USP25: variants seen among roughly 807,000 people sequenced by gnomAD.
The protein encoded by USP25 is ubiquitin carboxyl-terminal hydrolase 25.
A neutral mutation model predicts 158.5 loss-of-function variants in USP25; 85 were observed. The observed-to-expected ratio is 0.54, with a 90% CI of 0.45 to 0.64. The LOEUF is 0.64. USP25 is among the 30% of genes least tolerant of loss of function. The probability of loss-of-function intolerance (pLI) is 0.00; values close to 1 mark genes in which losing one functional copy is unlikely to be tolerated. For synonymous variants in USP25, 464 were observed against 460.4 expected, an observed-to-expected ratio of 1.01 and a Z score of -0.10; for missense variants, 1,242 against 1,327.3, an observed-to-expected ratio of 0.94 and a Z score of 1.00.
chr21:15,731,994 G>T (rs1012855070), intron 1 of USP25, among the ~76,000 whole-genome samples: 5 of 152,154 alleles, frequency 3.3e-5, no homozygotes, highest in Non-Finnish European at 7.4e-5. Flanking sequence ...GAAGAACTTT[G>T]TAAGTTTAGG....
chr21:15,775,051 A>G (rs2034558681), intron 3 of USP25, among the ~76,000 whole-genome samples: 1 of 152,236 alleles, frequency 6.6e-6, no homozygotes, highest in African/African-American at 2.4e-5. Flanking sequence ...CAGAAAGACC[A>G]CTGGATTTAA....
chr21:15,852,552 A>C (rs1282266620), intron 20 of USP25, among the ~76,000 whole-genome samples: 1 of 152,134 alleles, frequency 6.6e-6, no homozygotes, highest in Non-Finnish European at 1.5e-5. Flanking sequence ...TAGTATTATC[A>C]CGAAGCTTAT....
intron 20 of USP25, among the ~76,000 whole-genome samples, chr21:15,853,310 TAC>T (rs1012710359): frequency 1.1e-4 from 16 of 151,796 alleles, no homozygotes; most frequent in Admixed American, 2.6e-4. Flanking sequence ...TACACACAGG[TAC>T]ACACATGTAC....
At chr21:15,807,924 C>G (rs1201697140) in intron 7 of USP25, among the ~76,000 whole-genome samples, 2 of 152,198 alleles carry the variant, frequency 1.3e-5, no homozygotes, top group Non-Finnish European at 2.9e-5. Context: ...CTATTTAACT[C>G]TACAGCTTTG....
chr21:15,859,995 T>A (rs895501115), intron 20 of USP25, among the ~76,000 whole-genome samples: 21 of 144,974 alleles, frequency 1.4e-4, no homozygotes, highest in East Asian at 3.9e-4. Context: ...ATCTATATTT[T>A]TTTTTTTTTT....
chr21:15,744,679 C>A (rs1464774486), intron 1 of USP25, among the ~76,000 whole-genome samples: 1 of 152,106 alleles, frequency 6.6e-6, no homozygotes, highest in Non-Finnish European at 1.5e-5. Context: ...GCCCCCACCT[C>A]CCAGGTTCAA....
intron 11 of USP25, among the ~76,000 whole-genome samples, 157 bp from the exon 12 acceptor site, chr21:15,824,809 T>G (rs1200494084): frequency 6.6e-6 from 1 of 152,224 alleles, no homozygotes; most frequent in Non-Finnish European, 1.5e-5. Flanking sequence ...AGAGACGAGA[T>G]TTCACCATGT....
At position 15,733,649 on chromosome 21, in the gene USP25, A is replaced by G. The variant is rs544703640; in HGVS notation, c.45+3211A>G. 2.2e-3 allele frequency among the ~76,000 whole-genome samples: 340 copies of G among 152,064 alleles called. 1 individual carries two copies. The highest frequency in any genetic ancestry group is 6.8e-3 in the Middle Eastern group (2 of 294). ...AGGTCAGGAGTTCGAGACCAGCCTG[A>G]CCAACATGGTGAAACCCAGTCTCTA... On this transcript the variant is annotated intron_variant, in intron 1 of 25. Transcript: ENST00000400183.
chr21:15,754,185 C>T (rs1167387567), intron 1 of USP25, among the ~76,000 whole-genome samples: 1 of 152,156 alleles, frequency 6.6e-6, no homozygotes, highest in Non-Finnish European at 1.5e-5. Context: ...GTGGCATATT[C>T]TAGTCGCCTG....
intron 23 of USP25, 115 bp from the exon 24 acceptor site, chr21:15,874,288 T>C: frequency 1.0e-6 from 1 of 953,382 alleles, no homozygotes; most frequent in Non-Finnish European, 1.5e-6. Context: ...TATTTTTTAT[T>C]ATAATGTAGA....
intron 22 of USP25, among the ~76,000 whole-genome samples, chr21:15,869,692 G>A (rs958212856): frequency 1.6e-4 from 25 of 152,150 alleles, no homozygotes; most frequent in African/African-American, 5.8e-4. Context: ...TTCATACTCA[G>A]CGTAATATTT....
At chr21:15,735,072 A>G (rs1367168855) in intron 1 of USP25, among the ~76,000 whole-genome samples, 1 of 152,258 alleles carries the variant, frequency 6.6e-6, no homozygotes, top group Non-Finnish European at 1.5e-5. Flanking sequence ...CTCAAAAGTC[A>G]TGTGATACAC....
At chr21:15,846,148 ATATATATATATTTTTT>A (rs2038591330) in intron 18 of USP25, among the ~76,000 whole-genome samples, 1 of 60,670 alleles carries the variant, frequency 1.6e-5, no homozygotes, top group African/African-American at 1.3e-4. Context: ...ATATATATAT[ATATATATATATTTTTT>A]TTTTTTTTTT....
At chr21:15,783,918 C>T (rs868795563) in intron 4 of USP25, among the ~76,000 whole-genome samples, 3 of 151,812 alleles carry the variant, frequency 2.0e-5, no homozygotes, top group Non-Finnish European at 2.9e-5. Context: ...TGCAGTGAGC[C>T]GAGATCGCGC....
intron 24 of USP25, chr21:15,876,784 A>G (rs976503239): frequency 3.3e-5 from 5 of 152,218 alleles, no homozygotes. Flanking sequence ...GTTGGACTTA[A>G]TAGCACAACC....
chr21:15,799,793 C>A lies in USP25; in HGVS notation c.592C>A (p.Leu198Met). The A allele has an allele frequency of 6.2e-7, 1 of 1,601,442 alleles. No individual in the cohort carries two copies. The highest frequency in any genetic ancestry group is 1.1e-5 in the South Asian group (1 of 88,836). The change falls in exon 6 of 26, where the codon CTG becomes ATG. Residue 198 changes from leucine to methionine, a missense_variant. Leu to Met is a conservative substitution (Grantham distance 15, BLOSUM62 2). Transcript: ENST00000400183. ...TCTTTTGGAATTTAGAAGATTAGTT[C>A]TGAATTACAAGCCTCCATCAAATGC... ...FNLLEFRRLVLNYKPPSNAQD... is the reference protein window; with the variant it reads ...FNLLEFRRLVMNYKPPSNAQD...
At chr21:15,873,994 C>T (rs2040001206) in intron 23 of USP25, among the ~76,000 whole-genome samples, 1 of 151,962 alleles carries the variant, frequency 6.6e-6, no homozygotes, top group Non-Finnish European at 1.5e-5. Context: ...TTGAACAAAC[C>T]AAATGATGTT....
Position 15,847,759 on chromosome 21 carries a change from G to A in USP25, c.2434G>A (p.Gly812Arg), listed in dbSNP as rs1048596153. 28 of 1,549,056 alleles carry A rather than the reference G, an allele frequency of 1.8e-5. No individual in the cohort carries two copies. The African/African-American group carries it at 2.3e-4, about 13-fold the overall frequency. ...VGKFMIESKE[G>R]GYDDEIMMTP... is the part of the protein sequence containing the mutation. ...GAAATTTATGATTGAATCAAAGGAG[G>A]GGGGGTATGATGACGAGGTACCTTT... The change falls in exon 19 of 26, where the codon GGG becomes AGG. Residue 812 changes from glycine (G) to arginine (R), a missense_variant. Around this residue, in one of 3 missense-constraint regions of USP25, gnomAD observed 608 missense variants for 605.2 expected, o/e 1.00. Transcript: ENST00000400183.
At chr21:15,793,355 C>T (rs2035693678) in intron 5 of USP25, among the ~76,000 whole-genome samples, 1 of 151,360 alleles carries the variant, frequency 6.6e-6, no homozygotes. Flanking sequence ...TAGGATAAAA[C>T]TTCTTTCAGC....
Sources: gnomAD v4.1 joint callset for allele counts (sites outside exome capture counted in the v4.1 genomes callset) on GRCh38, gnomAD v4.1.1 for gene constraint, gnomAD v4.1.1 regional missense constraint, MANE v1.5 for transcripts, NCBI Gene and HGNC (gene_info 2026-07-23, HGNC 2026-07-21) for gene names.